The following USP6 variants were observed in gnomAD, a reference collection of about 807,000 sequenced individuals.
The protein encoded by USP6 is ubiquitin carboxyl-terminal hydrolase 6.
In USP6, 128 loss-of-function variants were observed where a neutral mutation model predicts 175.7. That is an observed-to-expected ratio of 0.73 (90% CI 0.63 to 0.84). The LOEUF is 0.84. USP6 is among the 40% of genes least tolerant of loss of function. The pLI is 0.00. For synonymous variants in USP6, 562 were observed against 630.6 expected, an observed-to-expected ratio of 0.89 and a Z score of 1.63; for missense variants, 1,498 against 1,760.3, an observed-to-expected ratio of 0.85 and a Z score of 2.67.
intron 32 of USP6, among the ~76,000 whole-genome samples, chr17:5,162,201 G>T (rs1398334813): frequency 6.6e-6 from 1 of 151,878 alleles, no homozygotes; most frequent in Non-Finnish European, 1.5e-5. Context: ...ACCCAGGCTG[G>T]GGTGCAGTGG....
chr17:5,143,097 C>G (rs1226151805), intron 25 of USP6, among the ~76,000 whole-genome samples: 1 of 152,200 alleles, frequency 6.6e-6, no homozygotes, highest in South Asian at 2.1e-4. Flanking sequence ...GGTCAGCCCC[C>G]CACCCGGCCA....
intron 5 of USP6, among the ~76,000 whole-genome samples, chr17:5,125,618 C>G (rs1007246473): frequency 2.0e-5 from 3 of 151,430 alleles, no homozygotes; most frequent in Admixed American, 1.3e-4. Context: ...TTGCAGCTGC[C>G]CTCCCACATC....
At chr17:5,172,559 T>A (rs1248587681) in intron 37 of USP6, among the ~76,000 whole-genome samples, 1 of 152,096 alleles carries the variant, frequency 6.6e-6, no homozygotes, top group Non-Finnish European at 1.5e-5. Context: ...AAATAAATAA[T>A]TAGAATTTGA....
intron 29 of USP6, 82 bp downstream of exon 29, chr17:5,147,276 A>G: frequency 7.2e-7 from 1 of 1,397,830 alleles, no homozygotes; most frequent in Non-Finnish European, 9.8e-7. Context: ...ATATTTGTTC[A>G]TGCTGAGGAT....
Position 5,133,088 on chromosome 17 carries a change from C to T in USP6, c.276+98C>T, listed in dbSNP as rs76207017. The stretch of plus-strand genomic sequence containing the variant: ...CTGGCACCGTCAGCCTCTCAGAGGG[C>T]GGGTGGCACACTGTCCTCGCCCAGA... On this transcript the variant is annotated intron_variant, in intron 13 of 37. Coordinates refer to ENST00000574788, the MANE Select transcript of USP6 (RefSeq NM_001304284.2). 110 of 1,411,846 alleles carry T rather than the reference C, an allele frequency of 7.8e-5. No homozygotes were observed. Among genetic ancestry groups the T allele is most frequent in the Middle Eastern group, 6.1e-4 (3 of 4,922 alleles). The allele number at this position is 1,411,846 out of a possible 1,614,324, so 87.5% of individuals were successfully genotyped here.
intron 11 of USP6, among the ~76,000 whole-genome samples, chr17:5,131,223 G>A (rs1300280660): frequency 2.0e-5 from 3 of 152,006 alleles, no homozygotes; most frequent in East Asian, 3.9e-4. Context: ...GATGGGCAGG[G>A]CCCCGCTCTG....
In USP6 at chr17:5,148,610, A is replaced by G; in HGVS notation, c.2486A>G (p.Asp829Gly). 1 of 1,613,952 alleles carries G rather than the reference A, an allele frequency of 6.2e-7. No homozygotes were observed. Among genetic ancestry groups the G allele is most frequent in the South Asian group, 1.1e-5 (1 of 91,070 alleles). Residue 829 changes from aspartate (D) to glycine (G), a missense_variant, in exon 30 of 38, where the codon GAC becomes GGC. By Grantham distance (94) the Asp-to-Gly change is moderately conservative. Transcript: ENST00000574788. ...NGMFTLTTNG[D>G]LPKPIFIPNG... Reference sequence around the variant, plus strand: ...ATGTTCACCCTAACTACCAATGGGGACCTACCCAAACCAATATTCATCCCC... The same window carrying G: ...ATGTTCACCCTAACTACCAATGGGGGCCTACCCAAACCAATATTCATCCCC...
At chr17:5,159,343 G>A (rs530549942) in intron 31 of USP6, among the ~76,000 whole-genome samples, 2 of 152,264 alleles carry the variant, frequency 1.3e-5, no homozygotes, top group East Asian at 3.9e-4. Context: ...TTTGGAGAGG[G>A]TTTACATATG....
chr17:5,146,370 A>G (rs569589480), intron 28 of USP6, among the ~76,000 whole-genome samples, 196 bp downstream of exon 28: 1 of 152,282 alleles, frequency 6.6e-6, no homozygotes, highest in Middle Eastern at 3.4e-3. Flanking sequence ...AAGGGATAAT[A>G]CTGATGGTGG....
chr17:5,123,073 C>T (rs1438215556), intron 4 of USP6: 1 of 153,160 alleles, frequency 6.5e-6, no homozygotes, highest in Non-Finnish European at 1.5e-5. Context: ...TCCTTAGGCT[C>T]CGAAGAGATG....
chr17:5,118,827 T>C (rs2072588702), intron 2 of USP6, among the ~76,000 whole-genome samples: 1 of 152,220 alleles, frequency 6.6e-6, no homozygotes. Flanking sequence ...CCCGAAAGTC[T>C]GGCCATCTCT....
rs1380061110 is a variant in USP6, at chr17:5,166,011, T to C, written c.3037-1921T>C. ...TTTGTGGTTGGCCATAAAGTATTCC[T>C]GGTAGAGATAATAGAGATAATGTTT... On this transcript the variant is annotated intron_variant, in intron 33 of 37. Coordinates refer to ENST00000574788, the MANE Select transcript of USP6 (RefSeq NM_001304284.2). Among the ~76,000 whole-genome samples, 9 of 152,248 alleles carry C rather than the reference T, an allele frequency of 5.9e-5. No homozygotes were observed. In the East Asian group the frequency reaches 1.7e-3, roughly 29 times the overall value.
intron 21 of USP6, 65 bp downstream of exon 21, chr17:5,138,338 C>T: frequency 3.1e-6 from 5 of 1,605,646 alleles, no homozygotes; most frequent in South Asian, 1.1e-5. Flanking sequence ...GGGCGGGTGC[C>T]CCGGACCAGC....
intron 33 of USP6, among the ~76,000 whole-genome samples, chr17:5,163,207 T>C (rs2074038689): frequency 6.6e-6 from 1 of 152,228 alleles, no homozygotes; most frequent in Non-Finnish European, 1.5e-5. Flanking sequence ...TGGGGCATTG[T>C]CTTTGTCCAT....
intron 31 of USP6, 112 bp downstream of exon 31, chr17:5,155,718 C>T: frequency 1.1e-6 from 1 of 941,610 alleles, no homozygotes; most frequent in South Asian, 4.1e-5. Context: ...GGCGCCCAGC[C>T]AAAATAAGTT....
At position 5,155,573 on chromosome 17, in the gene USP6, C is replaced by T. The variant is rs1357398655; in HGVS notation, c.2795C>T (p.Pro932Leu). 4.3e-6 allele frequency: 7 copies of T among 1,613,998 alleles called. No homozygotes were observed. The South Asian group carries it at 7.7e-5, about 18-fold the overall frequency. ...GTATCCTGGTTAGCAAGACCACTCCCACCTCAGGAAGCTAGTATTCATGCC... is the reference window on the plus strand; with the variant it reads ...GTATCCTGGTTAGCAAGACCACTCCTACCTCAGGAAGCTAGTATTCATGCC... ...IQVSWLARPL[P>L]PQEASIHAQD... Residue 932 changes from proline (P) to leucine (L), a missense_variant, in exon 31 of 38, where the codon CCA becomes CTA. Pro to Leu is a moderately conservative substitution (Grantham distance 98, BLOSUM62 -3). Coordinates refer to ENST00000574788, the MANE Select transcript of USP6 (RefSeq NM_001304284.2).
intron 37 of USP6, among the ~76,000 whole-genome samples, 183 bp downstream of exon 37, chr17:5,171,862 G>A (rs1286903229): frequency 2.6e-5 from 4 of 152,184 alleles, no homozygotes; most frequent in African/African-American, 9.7e-5. Flanking sequence ...CATGAGTAGT[G>A]AGGAAAAATA....
chr17:5,150,790 G>C (rs2073750254), intron 30 of USP6, among the ~76,000 whole-genome samples: 1 of 152,042 alleles, frequency 6.6e-6, no homozygotes, highest in Admixed American at 6.6e-5. Context: ...ACTGCACCCA[G>C]CCCAGAAATT....
intron 6 of USP6, among the ~76,000 whole-genome samples, 180 bp downstream of exon 6, chr17:5,126,118 T>C (rs1352576262): frequency 6.6e-6 from 1 of 152,172 alleles, no homozygotes; most frequent in Non-Finnish European, 1.5e-5. Flanking sequence ...CTCAGGACCC[T>C]CATTCTCCTG....
Sources: allele counts gnomAD v4.1 joint callset (sites outside exome capture counted in the v4.1 genomes callset), GRCh38; gene constraint gnomAD v4.1.1; transcripts MANE v1.5; gene names NCBI Gene and HGNC (gene_info 2026-07-23, HGNC 2026-07-21).